Variants in KHDRBS2 observed in about 807,000 individuals in gnomAD.
KHDRBS2 encodes KH domain-containing, RNA-binding, signal transduction-associated protein 2.
In KHDRBS2, 26 loss-of-function variants were observed where a neutral mutation model predicts 44.3. The observed-to-expected ratio is 0.59, with a 90% confidence interval of 0.43 to 0.81. The LOEUF (loss-of-function observed/expected upper bound fraction) is 0.81. Among genes scored for constraint, KHDRBS2 ranks in the 40% least tolerant of loss-of-function variants. The pLI is 0.00. For synonymous variants in KHDRBS2, 194 were observed against 151.1 expected, an observed-to-expected ratio of 1.28 and a Z score of -2.08; for missense variants, 476 against 433.1, an observed-to-expected ratio of 1.10 and a Z score of -0.88.
the KHDRBS2 span, among the ~76,000 whole-genome samples, chr6:61,657,560 C>A: frequency 6.6e-6 from 1 of 151,952 alleles, no homozygotes; most frequent in South Asian, 2.1e-4. Flanking sequence ...CCATTAACAC[C>A]CCAAACCAAA....
intron 3 of KHDRBS2, among the ~76,000 whole-genome samples, chr6:62,031,800 G>A (rs1274039050): frequency 6.6e-6 from 1 of 152,050 alleles, no homozygotes; most frequent in Non-Finnish European, 1.5e-5. Context: ...TTGGGGCCTG[G>A]GGGTCATCAC....
chr6:61,637,368 A>G, the KHDRBS2 span, among the ~76,000 whole-genome samples: 1 of 152,144 alleles, frequency 6.6e-6, no homozygotes, highest in South Asian at 2.1e-4. Flanking sequence ...TGAACTCATC[A>G]TTTTTTATGG....
At chr6:61,713,352 T>A (rs1315673142) in intron 7 of KHDRBS2, among the ~76,000 whole-genome samples, 1 of 151,682 alleles carries the variant, frequency 6.6e-6, no homozygotes, top group Non-Finnish European at 1.5e-5. Context: ...ATAAATAATA[T>A]CTGTATCTTC....
chr6:61,825,517 A>G (rs889496888), intron 6 of KHDRBS2, among the ~76,000 whole-genome samples: 2 of 152,220 alleles, frequency 1.3e-5, no homozygotes, highest in Non-Finnish European at 2.9e-5. Flanking sequence ...GATTTTGAGT[A>G]GAAAATGCAT....
chr6:61,792,454 C>G (rs938670422), intron 6 of KHDRBS2, among the ~76,000 whole-genome samples: 1 of 151,508 alleles, frequency 6.6e-6, no homozygotes, highest in Admixed American at 6.6e-5. Flanking sequence ...TCAAAATTTT[C>G]TTTATGAGCA....
the KHDRBS2 span, chr6:61,630,524 T>A: frequency 6.6e-6 from 1 of 152,218 alleles, no homozygotes; most frequent in Non-Finnish European, 1.5e-5. Flanking sequence ...CAGACATACA[T>A]GGATTCAGAA....
chr6:61,624,732 G>A, the KHDRBS2 span, among the ~76,000 whole-genome samples: 1 of 152,118 alleles, frequency 6.6e-6, no homozygotes, highest in East Asian at 1.9e-4. Flanking sequence ...CTGGACAAGG[G>A]TGGGTTGGTA....
intron 2 of KHDRBS2, among the ~76,000 whole-genome samples, chr6:62,146,731 C>T (rs1003301859): frequency 4.6e-5 from 7 of 151,624 alleles, no homozygotes; most frequent in African/African-American, 1.5e-4. Context: ...AGAAAGCTGT[C>T]CCTTAAATAG....
intron 1 of KHDRBS2, among the ~76,000 whole-genome samples, chr6:62,257,627 C>T (rs1260325838): frequency 6.6e-6 from 1 of 152,028 alleles, no homozygotes; most frequent in African/African-American, 2.4e-5. Context: ...GAGGTGGCCC[C>T]TGTAGCTGGG....
intron 4 of KHDRBS2, among the ~76,000 whole-genome samples, chr6:61,909,315 C>A (rs553452511): frequency 2.0e-5 from 3 of 152,040 alleles, no homozygotes; most frequent in Non-Finnish European, 4.4e-5. Context: ...GTGATCCGCC[C>A]GTCTCAGCCT....
chr6:61,833,135 G>T (rs1792103157), intron 6 of KHDRBS2, among the ~76,000 whole-genome samples: 1 of 152,038 alleles, frequency 6.6e-6, no homozygotes, highest in Admixed American at 6.6e-5. Context: ...ACCAGAATAG[G>T]TGCTTAAAAG....
intron 1 of KHDRBS2, among the ~76,000 whole-genome samples, chr6:62,215,377 A>G (rs1829811722): frequency 6.6e-6 from 1 of 151,674 alleles, no homozygotes; most frequent in Non-Finnish European, 1.5e-5. Context: ...TGTAGACGGA[A>G]GGAGATAGAG....
In KHDRBS2 at chr6:61,797,725, TTGTGTGTGTGTGTG is replaced by T. The variant is rs56038952; in HGVS notation, c.811-64975_811-64962del. Among the ~76,000 whole-genome samples, 8 of 114,752 alleles carry T rather than the reference TTGTGTGTGTGTGTG, an allele frequency of 7.0e-5. No homozygotes were observed. In the East Asian group the frequency reaches 1.4e-3, roughly 20 times the overall value. The allele number at this position is 114,752 out of a possible 152,430, so 75.3% of individuals were successfully genotyped here. On this transcript the variant is annotated intron_variant, in intron 6 of 8. Transcript: ENST00000281156. ...ACTGATACTGTGTCAGTATGGTGTT[TTGTGTGTGTGTGTG>T]TGTGTGTGTGTGTGTGTGTGTGTGT... is the stretch of plus-strand genomic sequence containing the variant.
At chr6:61,824,275 T>G (rs1363676928) in intron 6 of KHDRBS2, among the ~76,000 whole-genome samples, 1 of 152,020 alleles carries the variant, frequency 6.6e-6, no homozygotes, top group African/African-American at 2.4e-5. Flanking sequence ...ATGAAGGTGT[T>G]TTTCTAATGG....
At chr6:61,944,965 C>T (rs1259992564) in intron 4 of KHDRBS2, among the ~76,000 whole-genome samples, 2 of 150,726 alleles carry the variant, frequency 1.3e-5, no homozygotes, top group Admixed American at 6.6e-5. Flanking sequence ...GTGACACTTG[C>T]CTGTAATCCC....
At chr6:62,169,059 A>G (rs541911376) in intron 2 of KHDRBS2, among the ~76,000 whole-genome samples, 33 of 139,600 alleles carry the variant, frequency 2.4e-4, no homozygotes, top group South Asian at 1.4e-3. Flanking sequence ...ATATATATAT[A>G]TATGTATACA....
At chr6:62,085,552 C>T (rs1188789288) in intron 2 of KHDRBS2, among the ~76,000 whole-genome samples, 1 of 152,002 alleles carries the variant, frequency 6.6e-6, no homozygotes, top group Non-Finnish European at 1.5e-5. Flanking sequence ...GACTGCATCT[C>T]TAGAAGTCAA....
intron 1 of KHDRBS2, among the ~76,000 whole-genome samples, chr6:62,254,683 A>G (rs554187407): frequency 8.2e-4 from 124 of 152,134 alleles, no homozygotes; most frequent in African/African-American, 2.8e-3. Context: ...CAGTGGAATG[A>G]ACGTGGTATG....
the KHDRBS2 span, among the ~76,000 whole-genome samples, chr6:61,641,869 A>G: frequency 1.3e-5 from 2 of 152,218 alleles, no homozygotes; most frequent in Non-Finnish European, 2.9e-5. Context: ...TTTAAATTCT[A>G]GTTATGAGAT....
Sources: allele counts gnomAD v4.1 joint callset (sites outside exome capture counted in the v4.1 genomes callset), GRCh38; gene constraint gnomAD v4.1.1; transcripts MANE v1.5; gene names NCBI Gene and HGNC (gene_info 2026-07-23, HGNC 2026-07-21).